The following GPR143 variants were observed in gnomAD, a reference collection of about 807,000 sequenced individuals.
GPR143 encodes the protein G-protein coupled receptor 143.
GPR143 carries 8 observed loss-of-function variants against 27.6 expected under a neutral mutation model. That is an observed-to-expected ratio of 0.29 (90% CI 0.17 to 0.52). The LOEUF is 0.52. Among genes scored for constraint, GPR143 ranks in the 20% least tolerant of loss-of-function variants. The probability of loss-of-function intolerance (pLI) is 0.96; values close to 1 mark genes in which losing one functional copy is unlikely to be tolerated. For missense variants in GPR143, 303 were observed against 343.1 expected (o/e 0.88, Z 0.92); for synonymous variants, 156 against 153.2 (o/e 1.02, Z -0.13).
At chrX:9,750,381 T>C (rs1277056857) in intron 3 of GPR143, among the ~76,000 whole-genome samples, 1 of 110,691 alleles carries the variant, frequency 9.0e-6, no homozygotes, top group Non-Finnish European at 1.9e-5. Context: ...AGCTAATTTT[T>C]TTTTTTTTTG....
chrX:9,756,994 C>T (rs1173058624), intron 3 of GPR143, among the ~76,000 whole-genome samples: 1 of 112,833 alleles, frequency 8.9e-6, no homozygotes, highest in Non-Finnish European at 1.9e-5. Flanking sequence ...ACAATGGAAG[C>T]ACACAAAATG....
rs772927774 is a variant in GPR143 at position 9,755,502 on chromosome X, A to C, written c.455+3830T>G. Among the ~76,000 whole-genome samples the C allele has an allele frequency of 1.6e-4, 18 of 111,050 alleles. No homozygotes were observed. The South Asian group carries it at 4.5e-3, about 28-fold the overall frequency. On this transcript the variant is annotated intron_variant, in intron 3 of 8. Transcript: ENST00000467482. ...GTGAAACTCCATCTAAAAAAAAAAA[A>C]AAAAAACTAACTTCTGACCGATAAT...
At chrX:9,770,358 G>GAGAGAGAGAGAGAGA (rs1569127514), upstream of GPR143, among the ~76,000 whole-genome samples, 52 of 76,584 alleles carry the variant, frequency 6.8e-4, no homozygotes, top group African/African-American at 2.7e-3. Flanking sequence ...AGAGAGAGAG[G>GAGAGAGAGAGAGAGA]AAGACCAGCC....
At chrX:9,736,954 G>C (rs2083382106) in intron 8 of GPR143, among the ~76,000 whole-genome samples, 1 of 111,874 alleles carries the variant, frequency 8.9e-6, no homozygotes, top group Non-Finnish European at 1.9e-5. Flanking sequence ...ACCCCACTCA[G>C]CTCCTAGTAC....
At position 9,744,653 on chromosome X, in the gene GPR143, C is replaced by T. The variant is rs113485293; in HGVS notation, c.659-980G>A. Among the ~76,000 whole-genome samples, 590 of 111,047 alleles carry T rather than the reference C, an allele frequency of 5.3e-3. 2 individuals are homozygous for T. Among genetic ancestry groups the T allele is most frequent in the African/African-American group, 0.018 (553 of 30,541 alleles). ...CTGGGAGGCGGAGGTTTCAGTGAGCCGAGATCACGTCAATTCACTCCAGCC... is the reference window on the plus strand; with the variant it reads ...CTGGGAGGCGGAGGTTTCAGTGAGCTGAGATCACGTCAATTCACTCCAGCC... On this transcript the variant is annotated intron_variant, in intron 5 of 8. Transcript: ENST00000467482.
intron 1 of GPR143, among the ~76,000 whole-genome samples, chrX:9,772,720 G>A (rs776167872): frequency 2.8e-5 from 3 of 106,738 alleles, no homozygotes; most frequent in Non-Finnish European, 3.8e-5. Flanking sequence ...GGGCTGAGGC[G>A]GGAGGATTGC....
chrX:9,725,728 AC>A lies in GPR143; in HGVS notation c.*17del. 1 of 1,121,772 alleles carries A rather than the reference AC, an allele frequency of 8.9e-7. No homozygotes were observed. The highest frequency in any genetic ancestry group is 1.2e-6 in the Non-Finnish European group (1 of 814,692). 92.4% of individuals were successfully genotyped at this position (1,121,772 alleles called of 1,213,427 possible). A position where few individuals can be genotyped will look rare whatever the true frequency, so the allele number is the denominator to read the frequency against. On this transcript the variant is annotated 3_prime_UTR_variant, in exon 9 of 9. Coordinates refer to ENST00000467482, the MANE Select transcript of GPR143 (RefSeq NM_000273.3). ...TGAGTCTGAGGAATATGGGGTCTGG[AC>A]CCCCAGCACATCCCCTTCATAGGTC...
chrX:9,760,624 C>G, intron 2 of GPR143, 93 bp downstream of exon 2: 1 of 538,199 alleles, frequency 1.9e-6, no homozygotes, highest in African/African-American at 2.3e-5. Context: ...GACGTGAGAA[C>G]CTGCATTTCT....
At chrX:9,735,998 A>G (rs1206135459) in intron 8 of GPR143, among the ~76,000 whole-genome samples, 1 of 111,355 alleles carries the variant, frequency 9.0e-6, no homozygotes, top group East Asian at 2.8e-4. Context: ...GGGGCTGGGG[A>G]GGTATGGCAG....
At position 9,741,376 on chromosome X, in the gene GPR143, G is replaced by T; in HGVS notation, c.847C>A (p.Pro283Thr). 1.8e-6 allele frequency: 2 copies of T among 1,135,040 alleles called. No individual in the cohort carries two copies. The highest frequency in any genetic ancestry group is 2.4e-6 in the Non-Finnish European group (2 of 827,507). The allele number at this position is 1,135,040 out of a possible 1,213,427, so 93.5% of individuals were successfully genotyped here. A position where few individuals can be genotyped will look rare whatever the true frequency, so the allele number is the denominator to read the frequency against. ...GTGGTCTTGGCTGCAGTTCTGACAG[G>T]TTTCAAAGAACCTCCATTGATATCT... ...QTDINGGSLK[P>T]VRTAAKTTWF... is the part of the protein sequence containing the mutation. The change falls in exon 7 of 9, where the codon CCT becomes ACT. Residue 283 changes from proline (P) to threonine (T), a missense_variant. By Grantham distance (38) the Pro-to-Thr change is conservative. Transcript: ENST00000467482.
intron 1 of GPR143, among the ~76,000 whole-genome samples, chrX:9,775,702 G>A (rs1231990245): frequency 9.0e-6 from 1 of 111,639 alleles, no homozygotes; most frequent in Non-Finnish European, 1.9e-5. Flanking sequence ...ACAAGAAAAT[G>A]CATCTTCTCA....
At chrX:9,766,055 G>C (rs1208475550), upstream of GPR143, 1 of 269,443 alleles carries the variant, frequency 3.7e-6, no homozygotes, top group Non-Finnish European at 6.5e-6. Context: ...GGAGGGCTGA[G>C]AGGAGAGGAA....
At chrX:9,752,781 G>A (rs548701723) in intron 3 of GPR143, among the ~76,000 whole-genome samples, 2 of 111,464 alleles carry the variant, frequency 1.8e-5, no homozygotes, top group African/African-American at 3.3e-5. Flanking sequence ...AGGAGTTGAA[G>A]GTTGCAGTGA....
chrX:9,754,283 G>C (rs138760794), intron 3 of GPR143, among the ~76,000 whole-genome samples: 76 of 112,042 alleles, frequency 6.8e-4, no homozygotes, highest in African/African-American at 2.5e-3. Context: ...GGGAGGAAAA[G>C]AAACACTTCC....
chrX:9,728,365 A>G lies in GPR143; in HGVS notation c.1121-2525T>C, dbSNP rs59988744. Reference sequence around the variant, plus strand: ...AGGAACAAGCACAATTTTAAAAGAGATACATGCAGAGTTTGAGAGGACATG... The same window carrying G: ...AGGAACAAGCACAATTTTAAAAGAGGTACATGCAGAGTTTGAGAGGACATG... On this transcript the variant is annotated intron_variant, in intron 8 of 8. Transcript: ENST00000467482. Among the ~76,000 whole-genome samples the G allele has an allele frequency of 6.6e-3, 705 of 107,275 alleles. 10 individuals are homozygous for G. Among genetic ancestry groups the G allele is most frequent in the African/African-American group, 0.023 (665 of 28,934 alleles). The allele number at this position is 107,275 out of a possible 115,157, so 93.2% of individuals were successfully genotyped here.
At chrX:9,752,773 G>T (rs1410566308) in intron 3 of GPR143, among the ~76,000 whole-genome samples, 2 of 111,545 alleles carry the variant, frequency 1.8e-5, no homozygotes, top group African/African-American at 6.5e-5. Context: ...TTGAGCCCAG[G>T]AGTTGAAGGT....
upstream of GPR143, among the ~76,000 whole-genome samples, chrX:9,767,069 C>T (rs975896974): frequency 3.6e-5 from 4 of 111,202 alleles, no homozygotes; most frequent in Admixed American, 9.7e-5. Flanking sequence ...TTCTTAACTG[C>T]GTTAATTTTT....
At position 9,741,429 on chromosome X, in the gene GPR143, C is replaced by T. The variant is rs781331799; in HGVS notation, c.794G>A (p.Ser265Asn). The change falls in exon 7 of 9, where the codon AGC becomes AAC. Residue 265 changes from serine (S) to asparagine (N), a missense_variant. Coordinates refer to ENST00000467482, the MANE Select transcript of GPR143 (RefSeq NM_000273.3). ...ICWLSNIINE[S>N]LLFYLEMQTD... ...TTGCATCTCAAGATAGAATAAAAGG[C>T]TTTCATTGATGATATTCGACAACCA... is the stretch of plus-strand genomic sequence containing the variant. 1 of 1,127,200 alleles carries T rather than the reference C, an allele frequency of 8.9e-7. No individual in the cohort carries two copies. Among genetic ancestry groups the T allele is most frequent in the Non-Finnish European group, 1.2e-6 (1 of 818,676 alleles). The allele number at this position is 1,127,200 out of a possible 1,213,427, so 92.9% of individuals were successfully genotyped here.
At position 9,762,468 on chromosome X, in the gene GPR143, C is replaced by G. The variant is rs146540158; in HGVS notation, c.251-1642G>C. Among the ~76,000 whole-genome samples, 6 of 111,684 alleles carry G rather than the reference C, an allele frequency of 5.4e-5. No individual in the cohort carries two copies. In the East Asian group the frequency reaches 1.7e-3, roughly 31 times the overall value. On this transcript the variant is annotated intron_variant, in intron 1 of 8. Transcript: ENST00000467482. ...AAGCTACATACTATGTAGTAGTGCTCACTGGTAAACATGCCATACACCACT... is the reference window on the plus strand; with the variant it reads ...AAGCTACATACTATGTAGTAGTGCTGACTGGTAAACATGCCATACACCACT...
Sources: gnomAD v4.1 joint callset for allele counts (sites outside exome capture counted in the v4.1 genomes callset) on GRCh38, gnomAD v4.1.1 for gene constraint, MANE v1.5 for transcripts, NCBI Gene and HGNC (gene_info 2026-07-23, HGNC 2026-07-21) for gene names.